The following IGF2BP2 variants were observed in gnomAD, a reference collection of about 807,000 sequenced individuals.
The protein encoded by IGF2BP2 is insulin-like growth factor 2 mRNA-binding protein 2.
A neutral mutation model predicts 75.8 loss-of-function variants in IGF2BP2; 17 were observed. That is an observed-to-expected ratio of 0.22 (90% CI 0.15 to 0.34). The LOEUF is 0.34. Among genes scored for constraint, IGF2BP2 ranks in the 10% least tolerant of loss-of-function variants. IGF2BP2 has a pLI of 1.00. For missense variants in IGF2BP2, 516 were observed against 772.4 expected (o/e 0.67, Z 3.93); for synonymous variants, 288 against 295.6 (o/e 0.97, Z 0.26).
intron 2 of IGF2BP2, among the ~76,000 whole-genome samples, chr3:185,809,084 C>G (rs1324871438): frequency 1.3e-5 from 2 of 151,680 alleles, no homozygotes; most frequent in Non-Finnish European, 2.9e-5. Flanking sequence ...AAGCGAATAG[C>G]TAGTTGGGTT....
At chr3:185,658,477 A>AGT in intron 10 of IGF2BP2, 68 bp from the exon 11 acceptor site, 4 of 1,362,998 alleles carry the variant, frequency 2.9e-6, no homozygotes, top group Non-Finnish European at 4.1e-6. Context: ...CAGGGAGGCC[A>AGT]GATTCCCAAC....
intron 2 of IGF2BP2, among the ~76,000 whole-genome samples, chr3:185,707,200 G>GA (rs869207523): frequency 0.067 from 2 of 30 alleles, no homozygotes; most frequent in Non-Finnish European, 0.14. Context: ...ACTCCAGCCT[G>GA]GCAACAAGAG....
At chr3:185,791,957 G>GT (rs1330304293) in intron 2 of IGF2BP2, among the ~76,000 whole-genome samples, 1 of 152,198 alleles carries the variant, frequency 6.6e-6, no homozygotes, top group Admixed American at 6.5e-5. Flanking sequence ...TTCTAGGACG[G>GT]TAACATATGG....
At chr3:185,665,314 A>AGGAGGAGG (rs1717201314) in intron 10 of IGF2BP2, among the ~76,000 whole-genome samples, 1 of 54,540 alleles carries the variant, frequency 1.8e-5, no homozygotes, top group African/African-American at 8.2e-5. Context: ...GAAGGAGCAG[A>AGGAGGAGG]AGGAGAAGGA....
chr3:185,666,102 C>T (rs1450625635), intron 10 of IGF2BP2, among the ~76,000 whole-genome samples: 8 of 151,968 alleles, frequency 5.3e-5, no homozygotes, highest in South Asian at 2.1e-4. Flanking sequence ...AATTCATTCA[C>T]GTGTGAAGGA....
intron 7 of IGF2BP2, among the ~76,000 whole-genome samples, chr3:185,676,937 G>C (rs1332728031): frequency 2.1e-5 from 3 of 141,686 alleles, no homozygotes; most frequent in East Asian, 2.0e-4. Flanking sequence ...ACTGGAGAGA[G>C]AGACATATAT....
chr3:185,665,217 A>AGAGGAGGAG (rs1165939543), intron 10 of IGF2BP2, among the ~76,000 whole-genome samples: 3 of 135,548 alleles, frequency 2.2e-5, no homozygotes, highest in South Asian at 2.6e-4. Flanking sequence ...AGGAGAAGGA[A>AGAGGAGGAG]GAGGAGGAGG....
chr3:185,731,157 C>G (rs1339678086), intron 2 of IGF2BP2, among the ~76,000 whole-genome samples: 1 of 151,614 alleles, frequency 6.6e-6, no homozygotes, highest in Non-Finnish European at 1.5e-5. Flanking sequence ...TAAAGGGATA[C>G]AGAGACCAAA....
At chr3:185,822,358 G>A (rs1741474426) in intron 2 of IGF2BP2, among the ~76,000 whole-genome samples, 1 of 152,138 alleles carries the variant, frequency 6.6e-6, no homozygotes, top group Non-Finnish European at 1.5e-5. Flanking sequence ...AAAAAATTTA[G>A]AATGAGTAAT....
chr3:185,672,716 G>A (rs767842251), intron 9 of IGF2BP2, 47 bp from the exon 10 acceptor site: 3 of 1,610,572 alleles, frequency 1.9e-6, no homozygotes, highest in Admixed American at 3.3e-5. Flanking sequence ...AGACCAGAGA[G>A]GCCCGCACGC....
In IGF2BP2 at chr3:185,687,202, A is replaced by C. The variant is rs751588750; in HGVS notation, c.678-11T>G. 9 of 1,595,068 alleles carry C rather than the reference A, an allele frequency of 5.6e-6. No homozygotes were observed. Among genetic ancestry groups the C allele is most frequent in the Non-Finnish European group, 7.7e-6 (9 of 1,174,882 alleles). ...CTATGGATATCTACCCTGTAGGAAA[A>C]GAATCAGGAGCCATGATTACAAGGT... is the stretch of plus-strand genomic sequence containing the variant. On this transcript the variant is annotated splice_polypyrimidine_tract_variant and intron_variant, in intron 6 of 15. Transcript: ENST00000382199.
At chr3:185,771,373 G>A (rs961013918) in intron 2 of IGF2BP2, among the ~76,000 whole-genome samples, 1 of 1,550 alleles carries the variant, frequency 6.5e-4, no homozygotes, top group Non-Finnish European at 3.1e-3. Context: ...CCTGGGAGGT[G>A]GAGTTGCAGT....
At chr3:185,662,699 C>A (rs1051725163) in intron 10 of IGF2BP2, among the ~76,000 whole-genome samples, 1 of 151,798 alleles carries the variant, frequency 6.6e-6, no homozygotes, top group Non-Finnish European at 1.5e-5. Context: ...CCCACCACCA[C>A]GCATAGCTAA....
intron 2 of IGF2BP2, among the ~76,000 whole-genome samples, chr3:185,781,381 C>G (rs376241242): frequency 1.3e-5 from 2 of 152,098 alleles, no homozygotes; most frequent in East Asian, 3.9e-4. Flanking sequence ...TTGTCTGTCC[C>G]GAATAATAGG....
intron 2 of IGF2BP2, among the ~76,000 whole-genome samples, chr3:185,742,368 T>C (rs1016534255): frequency 1.3e-4 from 19 of 151,984 alleles, no homozygotes; most frequent in African/African-American, 4.6e-4. Flanking sequence ...TGGTGCCGGG[T>C]GCCCGTAATC....
intron 2 of IGF2BP2, among the ~76,000 whole-genome samples, chr3:185,770,624 G>A (rs1733750317): frequency 6.6e-6 from 1 of 152,162 alleles, no homozygotes; most frequent in Non-Finnish European, 1.5e-5. Flanking sequence ...TAGCACCTGT[G>A]ACACCCAAGG....
At chr3:185,775,525 G>A (rs2149777165) in intron 2 of IGF2BP2, among the ~76,000 whole-genome samples, 1 of 152,338 alleles carries the variant, frequency 6.6e-6, no homozygotes, top group South Asian at 2.1e-4. Flanking sequence ...GAAGCAGCCT[G>A]AGAGTTCCAA....
At chr3:185,802,234 TAG>T (rs10544430) in intron 2 of IGF2BP2, among the ~76,000 whole-genome samples, 58,908 of 151,582 alleles carry the variant, frequency 0.39, 12,343 homozygotes, top group African/African-American at 0.57. Context: ...AGCACACAGG[TAG>T]AGAGGTTCTG....
intron 1 of IGF2BP2, among the ~76,000 whole-genome samples, chr3:185,823,602 C>T (rs1331470656): frequency 1.3e-5 from 2 of 152,030 alleles, no homozygotes; most frequent in East Asian, 1.9e-4. Flanking sequence ...GAAGGCTCCA[C>T]CGGGCTCCCC....
Sources: gnomAD v4.1 joint callset for allele counts (sites outside exome capture counted in the v4.1 genomes callset) on GRCh38, gnomAD v4.1.1 for gene constraint, MANE v1.5 for transcripts, NCBI Gene and HGNC (gene_info 2026-07-23, HGNC 2026-07-21) for gene names.